CLPX: variants seen among roughly 807,000 people sequenced by gnomAD.
The protein encoded by CLPX is ATP-dependent clpX-like chaperone, mitochondrial.
Under a neutral mutation model 76.4 loss-of-function variants are expected in CLPX, and 34 were observed. That is an observed-to-expected ratio of 0.45 (90% CI 0.34 to 0.59). The LOEUF is 0.59. Ranked by LOEUF, CLPX falls within the 20% of genes least tolerant of loss-of-function variation. The pLI, the probability that CLPX is intolerant of heterozygous loss-of-function variation, is 0.01. For synonymous variants in CLPX, 248 were observed against 270.9 expected, an observed-to-expected ratio of 0.92 and a Z score of 0.83; for missense variants, 613 against 757.0, an observed-to-expected ratio of 0.81 and a Z score of 2.23.
intron 1 of CLPX, among the ~76,000 whole-genome samples, chr15:65,183,460 C>CAAAAAAAAAAAAAAAAA (rs61002905): frequency 4.5e-5 from 3 of 66,268 alleles, no homozygotes; most frequent in Non-Finnish European, 8.0e-5. Context: ...GACTCTGTCT[C>CAAAAAAAAAAAAAAAAA]AAAAAAAAAA....
chr15:65,160,965 G>T (rs1402700972), intron 6 of CLPX, among the ~76,000 whole-genome samples: 1 of 152,100 alleles, frequency 6.6e-6, no homozygotes, highest in Non-Finnish European at 1.5e-5. Context: ...CAGCTGTGTG[G>T]CCACGGACAA....
In CLPX at chr15:65,176,520, T is replaced by C. The variant is rs1225816673; in HGVS notation, c.358+2414A>G. Among the ~76,000 whole-genome samples, 6 of 152,326 alleles carry C rather than the reference T, an allele frequency of 3.9e-5. No homozygotes were observed. The South Asian group carries it at 1.0e-3, about 26-fold the overall frequency. ...AATTAAGGGTGCAAGAATAAAACTATATATGTTGGCATTTATTAAATATTA... is the reference window on the plus strand; with the variant it reads ...AATTAAGGGTGCAAGAATAAAACTACATATGTTGGCATTTATTAAATATTA... On this transcript the variant is annotated intron_variant, in intron 3 of 13. Transcript: ENST00000300107.
Position 65,155,858 on chromosome 15 carries a change from T to C in CLPX, c.1147-2A>G. The C allele has an allele frequency of 6.2e-7, 1 of 1,608,394 alleles. No homozygotes were observed. The highest frequency in any genetic ancestry group is 8.5e-7 in the Non-Finnish European group (1 of 1,175,660). The stretch of plus-strand genomic sequence containing the variant: ...GCCTTCTAGTAGTTTTAATAAGCCC[T>C]AAATAAAGAACAAATGATTTATAGC... On this transcript the variant is annotated splice_acceptor_variant, in intron 9 of 13. Transcript: ENST00000300107. LOFTEE classifies it high-confidence loss of function.
chr15:65,181,789 TAA>T (rs2088176262), intron 1 of CLPX, among the ~76,000 whole-genome samples: 3 of 147,058 alleles, frequency 2.0e-5, no homozygotes, highest in African/African-American at 7.6e-5. Flanking sequence ...AATAAATAAA[TAA>T]ATAAAGATAG....
rs371724905 is a variant in CLPX at position 65,166,800 on chromosome 15, A to G, written c.359-15T>C. 2.5e-5 allele frequency: 40 copies of G among 1,602,308 alleles called. No homozygotes were observed. The highest frequency in any genetic ancestry group is 3.3e-4 in the Middle Eastern group (2 of 5,990). On this transcript the variant is annotated splice_polypyrimidine_tract_variant and intron_variant, in intron 3 of 13. Transcript: ENST00000300107. The stretch of plus-strand genomic sequence containing the variant: ...ACGGGTGGATGCTGTAAAAGAAAAC[A>G]GACATAAGTAGAGGGAAATAAAAAA...
chr15:65,154,967 C>A lies in CLPX; in HGVS notation c.1426G>T (p.Asp476Tyr). Reference sequence around the variant, plus strand: ...GCTTCCACATGACGCAATAACCGATCTTTTTCTTCAATGTCTTGGTGAGTA... The same window carrying A: ...GCTTCCACATGACGCAATAACCGATATTTTTCTTCAATGTCTTGGTGAGTA... Reference protein sequence around the residue: ...SNTHQDIEEKDRLLRHVEARD... With the variant: ...SNTHQDIEEKYRLLRHVEARD... Residue 476 changes from aspartate (D) to tyrosine (Y), a missense_variant, in exon 11 of 14, where the codon GAT (aspartate) becomes TAT (tyrosine). Physicochemically the swap from Asp to Tyr is radical, Grantham distance 160. Around this residue, in one of 2 missense-constraint regions of CLPX, gnomAD observed 450 missense variants for 638.6 expected, o/e 0.70. Coordinates refer to ENST00000300107, the MANE Select transcript of CLPX (RefSeq NM_006660.5). 1.2e-6 allele frequency: 2 copies of A among 1,614,160 alleles called. No homozygotes were observed. Among genetic ancestry groups the A allele is most frequent in the Non-Finnish European group, 1.7e-6 (2 of 1,180,022 alleles).
At position 65,181,693 on chromosome 15, in the gene CLPX, G is replaced by A. The variant is rs188557956; in HGVS notation, c.80-1489C>T. ...ACTTGAACGAGGCAGAGGTTGCAGT[G>A]AGCCGAGATTGCGCCACTGTACTCC... On this transcript the variant is annotated intron_variant, in intron 1 of 13. Transcript: ENST00000300107. Among the ~76,000 whole-genome samples the A allele has an allele frequency of 7.2e-4, 109 of 151,974 alleles. 1 individual carries two copies. The highest frequency in any genetic ancestry group is 2.6e-3 in the African/African-American group (107 of 41,454).
intron 4 of CLPX, among the ~76,000 whole-genome samples, chr15:65,165,371 C>T (rs1179743276): frequency 6.9e-6 from 1 of 145,446 alleles, no homozygotes; most frequent in East Asian, 2.1e-4. Context: ...GTTAAACTGC[C>T]TGGATTTTTT....
At chr15:65,151,009 G>A (rs1435080703) in intron 13 of CLPX, 96 bp from the exon 14 acceptor site, 7 of 760,448 alleles carry the variant, frequency 9.2e-6, no homozygotes, top group Admixed American at 4.9e-5. Context: ...TCCTAGCTAA[G>A]AAAGCCACGA....
chr15:65,157,589 G>A (rs1434913024), intron 8 of CLPX, among the ~76,000 whole-genome samples, 157 bp downstream of exon 8: 1 of 152,106 alleles, frequency 6.6e-6, no homozygotes, highest in Non-Finnish European at 1.5e-5. Flanking sequence ...AAACTATGTG[G>A]CCCTTAATCA....
intron 3 of CLPX, among the ~76,000 whole-genome samples, chr15:65,167,924 T>A (rs1007445086): frequency 6.6e-6 from 1 of 151,742 alleles, no homozygotes; most frequent in Admixed American, 6.6e-5. Flanking sequence ...CATATCTTTC[T>A]TATTTTATCT....
chr15:65,153,493 TACTCAAA>T, intron 12 of CLPX, 47 bp downstream of exon 12: 1 of 1,073,452 alleles, frequency 9.3e-7, no homozygotes. Flanking sequence ...AAGCTTAATA[TACTCAAA>T]ACTCAGACCA....
At chr15:65,155,890 A>T in intron 9 of CLPX, 34 bp from the exon 10 acceptor site, 2 of 1,525,292 alleles carry the variant, frequency 1.3e-6, no homozygotes, top group Middle Eastern at 3.4e-4. Context: ...TAGCATCACC[A>T]TATAAGCACA....
intron 3 of CLPX, among the ~76,000 whole-genome samples, chr15:65,172,354 T>C (rs1435078480): frequency 6.6e-6 from 1 of 152,192 alleles, no homozygotes; most frequent in Non-Finnish European, 1.5e-5. Flanking sequence ...CTACTACAAG[T>C]ATCCTATATT....
chr15:65,148,525 G>GT lies in CLPX; in HGVS notation c.*2297dup, dbSNP rs2087680681. The GT allele has an allele frequency of 1.3e-5, 2 of 152,254 alleles. No individual in the cohort carries two copies. Among genetic ancestry groups the GT allele is most frequent in the African/African-American group, 4.8e-5 (2 of 41,548 alleles). The allele number at this position is 152,254 out of a possible 1,614,324, so 9.4% of individuals were successfully genotyped here. A position where few individuals can be genotyped will look rare whatever the true frequency, so the allele number is the denominator to read the frequency against. ...ATTACTAGGGAGACCAAGGAGAGGT[G>GT]TTTCTGTTCCATACTATAGCAACCA... is the stretch of plus-strand genomic sequence containing the variant. On this transcript the variant is annotated 3_prime_UTR_variant, in exon 14 of 14. Transcript: ENST00000300107.
In CLPX at chr15:65,185,123, CGCCGCA is replaced by C; in HGVS notation, c.25_30del (p.Cys9_Gly10del). On this transcript the variant is annotated inframe_deletion, in exon 1 of 14. Coordinates refer to ENST00000300107, the MANE Select transcript of CLPX (RefSeq NM_006660.5). Reference sequence around the variant, plus strand: ...GAGGTGATGAGCCGGACGGCCGCCGCGCCGCAAGTACAAGCACCGCAGCTGGGCATC... The same window carrying C: ...GAGGTGATGAGCCGGACGGCCGCCGCAGTACAAGCACCGCAGCTGGGCATC... 1.3e-6 allele frequency: 2 copies of C among 1,579,734 alleles called. No individual in the cohort carries two copies. The highest frequency in any genetic ancestry group is 1.7e-6 in the Non-Finnish European group (2 of 1,163,434).
intron 6 of CLPX, among the ~76,000 whole-genome samples, chr15:65,161,041 G>C (rs1330036635): frequency 6.6e-6 from 1 of 152,180 alleles, no homozygotes; most frequent in African/African-American, 2.4e-5. Flanking sequence ...AATAGTTTCT[G>C]TCTCATGGGT....
At chr15:65,183,986 T>C (rs2088217487) in intron 1 of CLPX, among the ~76,000 whole-genome samples, 1 of 152,244 alleles carries the variant, frequency 6.6e-6, no homozygotes, top group African/African-American at 2.4e-5. Context: ...TAGGATTAAA[T>C]TTACTCCCTT....
At chr15:65,177,478 A>T (rs750181086) in intron 3 of CLPX, among the ~76,000 whole-genome samples, 3 of 152,152 alleles carry the variant, frequency 2.0e-5, no homozygotes, top group African/African-American at 7.2e-5. Context: ...AACACACTAC[A>T]TCTAGTACCT....
Sources: gnomAD v4.1 joint callset for allele counts (sites outside exome capture counted in the v4.1 genomes callset) on GRCh38, gnomAD v4.1.1 for gene constraint, gnomAD v4.1.1 regional missense constraint, MANE v1.5 for transcripts, NCBI Gene and HGNC (gene_info 2026-07-23, HGNC 2026-07-21) for gene names.